The following DNAH6 variants were observed in gnomAD, a reference collection of about 807,000 sequenced individuals.
DNAH6 encodes the protein dynein axonemal heavy chain 6, also known as axonemal beta dynein heavy chain 6.
Under a neutral mutation model 491.4 loss-of-function variants are expected in DNAH6, and 340 were observed. The ratio of observed to expected loss-of-function variants is 0.69; its 90% CI spans 0.63 to 0.76. The LOEUF (loss-of-function observed/expected upper bound fraction) is 0.76. Ranked by LOEUF, DNAH6 falls within the 30% of genes least tolerant of loss-of-function variation. DNAH6 has a pLI of 0.00. For missense variants in DNAH6, 4,443 were observed against 4,972.2 expected (o/e 0.89, Z 3.20); for synonymous variants, 1,603 against 1,686.1 (o/e 0.95, Z 1.21).
At chr2:84,812,290 A>C (rs1680064410) in intron 72 of DNAH6, 51 bp from the exon 73 acceptor site, 1 of 1,491,194 alleles carries the variant, frequency 6.7e-7, no homozygotes, top group Non-Finnish European at 9.1e-7. Flanking sequence ...TGTCACTGAC[A>C]CTGGATAATG....
At chr2:84,529,474 A>G in intron 4 of DNAH6, among the ~76,000 whole-genome samples, 1 of 152,148 alleles carries the variant, frequency 6.6e-6, no homozygotes, top group East Asian at 1.9e-4. Context: ...AGAAAAGAGG[A>G]TGGCAACATA....
chr2:84,690,055 A>G (rs77914390), intron 45 of DNAH6, among the ~76,000 whole-genome samples: 4,203 of 152,360 alleles, frequency 0.028, 211 homozygotes, highest in African/African-American at 0.096. Flanking sequence ...TCTACTTAAA[A>G]TGCAGCATCC....
intron 64 of DNAH6, among the ~76,000 whole-genome samples, chr2:84,766,203 G>T (rs929752845): frequency 6.6e-6 from 1 of 152,120 alleles, no homozygotes; most frequent in Non-Finnish European, 1.5e-5. Flanking sequence ...TATTCAGACA[G>T]TGAAATTAAG....
chr2:84,534,112 C>T (rs1197680627), intron 4 of DNAH6, among the ~76,000 whole-genome samples: 1 of 151,924 alleles, frequency 6.6e-6, no homozygotes, highest in African/African-American at 2.4e-5. Context: ...TTACATAACA[C>T]TGATGGTCTG....
Position 84,659,111 on chromosome 2 carries a change from A to G in DNAH6, c.6026A>G (p.Tyr2009Cys), listed in dbSNP as rs1691241987. The change falls in exon 37 of 77, where the codon TAC becomes TGC. Residue 2009 changes from tyrosine to cysteine, a missense_variant. Transcript: ENST00000389394. ...WSLGGNLTENYYDSFDTFIRT... is the reference protein window; with the variant it reads ...WSLGGNLTENCYDSFDTFIRT... The stretch of plus-strand genomic sequence containing the variant: ...TTGGGTGGAAACCTAACTGAAAACT[A>G]CTATGATTCTTTTGATACATTTATT... The G allele has an allele frequency of 6.6e-7, 1 of 1,518,294 alleles. No homozygotes were observed. The highest frequency in any genetic ancestry group is 8.9e-7 in the Non-Finnish European group (1 of 1,121,654). 94.1% of individuals were successfully genotyped at this position (1,518,294 alleles called of 1,614,324 possible).
At chr2:84,518,285 A>G (rs1393564443) in intron 2 of DNAH6, among the ~76,000 whole-genome samples, 2 of 152,238 alleles carry the variant, frequency 1.3e-5, no homozygotes, top group African/African-American at 4.8e-5. Context: ...TCAGGCAGAT[A>G]AGTCCTCTCT....
Position 84,797,557 on chromosome 2 carries a change from G to A in DNAH6, c.11380G>A (p.Ala3794Thr). ...SESGIYFAPM[A>T]DSLQEFKDYI... ...AACAGGCATCTATTTTGCACCCATG[G>A]CTGACAGCCTACAAGAGTTTAAGGA... Residue 3794 changes from alanine (A) to threonine (T), a missense_variant, in exon 70 of 77, where the codon GCT becomes ACT. Physicochemically the swap from Ala to Thr is moderately conservative, Grantham distance 58. Transcript: ENST00000389394. The A allele has an allele frequency of 6.4e-7, 1 of 1,551,770 alleles. No individual in the cohort carries two copies. Among genetic ancestry groups the A allele is most frequent in the Non-Finnish European group, 8.7e-7 (1 of 1,146,946 alleles).
intron 62 of DNAH6, among the ~76,000 whole-genome samples, chr2:84,741,136 T>A (rs1008883341): frequency 6.6e-6 from 1 of 151,970 alleles, no homozygotes; most frequent in Non-Finnish European, 1.5e-5. Flanking sequence ...TAGCAAGGCA[T>A]TGGACATTGT....
chr2:84,636,893 T>TA (rs1688933143), intron 30 of DNAH6, among the ~76,000 whole-genome samples: 1 of 139,098 alleles, frequency 7.2e-6, no homozygotes, highest in African/African-American at 3.2e-5. Context: ...AGACCCTGTC[T>TA]CAAAAAAAAA....
chr2:84,779,284 G>C (rs1196390769), intron 64 of DNAH6, among the ~76,000 whole-genome samples: 1 of 152,112 alleles, frequency 6.6e-6, no homozygotes, highest in East Asian at 1.9e-4. Context: ...AAGTCTTTTT[G>C]TAGGTCTTGA....
rs141679451 is a variant in DNAH6 at position 84,818,302 on chromosome 2, A to G, written c.12374-1003A>G. Among the ~76,000 whole-genome samples, 16 of 152,130 alleles carry G rather than the reference A, an allele frequency of 1.1e-4. No homozygotes were observed. In the East Asian group the frequency reaches 3.1e-3, roughly 29 times the overall value. The stretch of plus-strand genomic sequence containing the variant: ...AAAACTCAAACCTGCCAGCCTGGGC[A>G]AGATGACGAGACCCCGTCTCTACAA... On this transcript the variant is annotated intron_variant, in intron 76 of 76. Transcript: ENST00000389394.
chr2:84,797,494 A>C (rs2105288870), intron 69 of DNAH6, 43 bp from the exon 70 acceptor site: 1 of 1,531,954 alleles, frequency 6.5e-7, no homozygotes, highest in South Asian at 1.2e-5. Context: ...GTACAAAGCC[A>C]GTCTATTTGA....
Position 84,653,714 on chromosome 2 carries a change from T to G in DNAH6, c.5474T>G (p.Val1825Gly). ...ATGGCACTAAGTGTCCGAGCAGCTG[T>G]GAATGATACTTCAGAAGACCATAAA... ...GLMALSVRAA[V>G]NDTSEDHKWI... The change falls in exon 34 of 77, where the codon GTG becomes GGG. Residue 1825 changes from valine (V) to glycine (G), a missense_variant. By Grantham distance (109) the Val-to-Gly change is moderately radical. This residue lies in a region of DNAH6 where 2,977 missense variants were observed against 3,296.6 expected (regional missense o/e 0.90). Coordinates refer to ENST00000389394, the MANE Select transcript of DNAH6 (RefSeq NM_001370.2). 1 of 1,551,348 alleles carries G rather than the reference T, an allele frequency of 6.4e-7. No homozygotes were observed.
At chr2:84,639,992 C>CATGG (rs1466996911) in intron 31 of DNAH6, among the ~76,000 whole-genome samples, 1 of 152,198 alleles carries the variant, frequency 6.6e-6, no homozygotes, top group Non-Finnish European at 1.5e-5. Context: ...ACAATCTTTG[C>CATGG]ATGGCTTCCC....
intron 41 of DNAH6, among the ~76,000 whole-genome samples, chr2:84,680,255 C>T (rs183492437): frequency 7.5e-4 from 114 of 152,276 alleles, no homozygotes; most frequent in African/African-American, 2.7e-3. Flanking sequence ...GACTAACTTG[C>T]AACCATTGAT....
At chr2:84,479,375 C>T in the DNAH6 span, among the ~76,000 whole-genome samples, 4 of 152,234 alleles carry the variant, frequency 2.6e-5, no homozygotes, top group Non-Finnish European at 4.4e-5. Context: ...AGCACTGGAT[C>T]CAGCCATTCT....
intron 30 of DNAH6, 104 bp downstream of exon 30, chr2:84,634,745 G>A (rs1688717614): frequency 1.5e-6 from 2 of 1,348,162 alleles, no homozygotes; most frequent in Non-Finnish European, 1.9e-6. Flanking sequence ...TGTTAGGGAG[G>A]AATCCTGGGG....
chr2:84,484,042 T>G, the DNAH6 span, among the ~76,000 whole-genome samples: 3 of 152,118 alleles, frequency 2.0e-5, no homozygotes, highest in Non-Finnish European at 4.4e-5. Flanking sequence ...TGAGACTGTG[T>G]TTTTGCCCAT....
chr2:84,710,684 T>C (rs186076604), intron 56 of DNAH6, among the ~76,000 whole-genome samples: 61 of 152,322 alleles, frequency 4.0e-4, no homozygotes, highest in Admixed American at 3.1e-3. Context: ...ATTATGGCCC[T>C]TGATGGTGAG....
Sources: gnomAD v4.1 joint callset for allele counts (sites outside exome capture counted in the v4.1 genomes callset) on GRCh38, gnomAD v4.1.1 for gene constraint, gnomAD v4.1.1 regional missense constraint, MANE v1.5 for transcripts, NCBI Gene and HGNC (gene_info 2026-07-23, HGNC 2026-07-21) for gene names.